The following NEK7 variants were observed in gnomAD, a reference collection of about 807,000 sequenced individuals.
NEK7 encodes the protein NIMA related kinase 7, also known as serine/threonine-protein kinase Nek7.
NEK7 carries 18 observed loss-of-function variants against 44.6 expected under a neutral mutation model. The observed-to-expected ratio is 0.40, with a 90% CI of 0.28 to 0.60. The LOEUF (loss-of-function observed/expected upper bound fraction) is 0.60. Among genes scored for constraint, NEK7 ranks in the 20% least tolerant of loss-of-function variants. The pLI is 0.38. For missense variants in NEK7, 256 were observed against 366.5 expected (o/e 0.70, Z 2.46); for synonymous variants, 130 against 121.1 (o/e 1.07, Z -0.48).
At chr1:198,201,920 T>C (rs1019624202) in intron 1 of NEK7, among the ~76,000 whole-genome samples, 20 of 152,236 alleles carry the variant, frequency 1.3e-4, no homozygotes, top group South Asian at 1.2e-3. Flanking sequence ...GGTTTGAGAA[T>C]TGGGGAACCC....
intron 9 of NEK7, among the ~76,000 whole-genome samples, chr1:198,311,681 A>T (rs1571622572): frequency 1.3e-5 from 2 of 152,210 alleles, no homozygotes; most frequent in African/African-American, 4.8e-5. Context: ...CCTTTTCTGC[A>T]TCTATTGAGA....
chr1:198,277,942 A>T lies in NEK7; in HGVS notation c.373-19A>T, dbSNP rs770357863. On this transcript the variant is annotated intron_variant, in intron 5 of 9. Coordinates refer to ENST00000367385, the MANE Select transcript of NEK7 (RefSeq NM_133494.3). ...AGAAATTTTAGTTTTTATAGTTCTTATTTTTAATTTTCAAAAAGCATTTTA... is the reference window on the plus strand; with the variant it reads ...AGAAATTTTAGTTTTTATAGTTCTTTTTTTTAATTTTCAAAAAGCATTTTA... The T allele has an allele frequency of 4.5e-5, 66 of 1,464,692 alleles. No individual in the cohort carries two copies. Among genetic ancestry groups the T allele is most frequent in the Non-Finnish European group, 6.1e-5 (64 of 1,051,924 alleles). 90.7% of individuals were successfully genotyped at this position (1,464,692 alleles called of 1,614,324 possible). A position where few individuals can be genotyped will look rare whatever the true frequency, so the allele number is the denominator to read the frequency against.
chr1:198,203,976 G>A lies in NEK7; in HGVS notation c.-28-28577G>A, dbSNP rs534254854. Reference sequence around the variant, plus strand: ...AATGGAAAACTTTAGAGATGAGAGCGGCCAGTTGCAGGGGCTCATGCCCAT... The same window carrying A: ...AATGGAAAACTTTAGAGATGAGAGCAGCCAGTTGCAGGGGCTCATGCCCAT... On this transcript the variant is annotated intron_variant, in intron 1 of 9. Transcript: ENST00000367385. 1.7e-4 allele frequency among the ~76,000 whole-genome samples: 26 copies of A among 152,252 alleles called. No homozygotes were observed. The South Asian group carries it at 3.1e-3, about 18-fold the overall frequency.
chr1:198,219,244 A>G (rs1208709427), intron 1 of NEK7, among the ~76,000 whole-genome samples: 1 of 150,246 alleles, frequency 6.7e-6, no homozygotes, highest in African/African-American at 2.4e-5. Context: ...AAATTTATGT[A>G]TATTTTACAT....
At chr1:198,213,860 T>C (rs929518784) in intron 1 of NEK7, among the ~76,000 whole-genome samples, 2 of 152,170 alleles carry the variant, frequency 1.3e-5, no homozygotes, top group Admixed American at 1.3e-4. Flanking sequence ...GTTTTACCCA[T>C]GGGCATGTCC....
At chr1:198,303,199 A>G (rs1194185653) in intron 9 of NEK7, among the ~76,000 whole-genome samples, 1 of 152,180 alleles carries the variant, frequency 6.6e-6, no homozygotes, top group Non-Finnish European at 1.5e-5. Flanking sequence ...AAAACCAAGC[A>G]TATATCTCAA....
chr1:198,170,833 C>A (rs1664414338), intron 1 of NEK7, among the ~76,000 whole-genome samples: 3 of 152,082 alleles, frequency 2.0e-5, no homozygotes, highest in African/African-American at 7.2e-5. Context: ...CTTTTATGAT[C>A]TCTTTATTTG....
chr1:198,193,394 G>A lies in NEK7; in HGVS notation c.-29+36118G>A, dbSNP rs1665135616. On this transcript the variant is annotated intron_variant, in intron 1 of 9. Coordinates refer to ENST00000367385, the MANE Select transcript of NEK7 (RefSeq NM_133494.3). The stretch of plus-strand genomic sequence containing the variant: ...CTATGGGAGGTACAAAAAGGAGCTG[G>A]TACCATTTCTACTGAAACTATTCCA... 2.6e-5 allele frequency among the ~76,000 whole-genome samples: 4 copies of A among 152,242 alleles called. No individual in the cohort carries two copies. In the South Asian group the frequency reaches 8.3e-4, roughly 32 times the overall value.
intron 2 of NEK7, among the ~76,000 whole-genome samples, chr1:198,251,423 G>A (rs7550253): frequency 0.075 from 6,932 of 92,756 alleles, 426 homozygotes; most frequent in East Asian, 0.32. Flanking sequence ...CTCTTTTTCT[G>A]TTGATTGGAA....
chr1:198,305,271 G>A (rs1654991572), intron 9 of NEK7, among the ~76,000 whole-genome samples: 1 of 152,140 alleles, frequency 6.6e-6, no homozygotes, highest in African/African-American at 2.4e-5. Context: ...AACCTGACAT[G>A]AAGGAATAGA....
At chr1:198,166,307 G>C (rs1283874323) in intron 1 of NEK7, among the ~76,000 whole-genome samples, 1 of 152,202 alleles carries the variant, frequency 6.6e-6, no homozygotes, top group African/African-American at 2.4e-5. Flanking sequence ...CCAGCTCCGA[G>C]CTTCAGCAAC....
intron 5 of NEK7, among the ~76,000 whole-genome samples, chr1:198,270,716 T>C (rs995656132): frequency 6.6e-6 from 1 of 152,136 alleles, no homozygotes; most frequent in Non-Finnish European, 1.5e-5. Context: ...ATACATAAGA[T>C]TAATTTTACA....
chr1:198,265,982 T>C (rs927675350), intron 5 of NEK7, among the ~76,000 whole-genome samples: 3 of 152,044 alleles, frequency 2.0e-5, no homozygotes, highest in African/African-American at 7.2e-5. Flanking sequence ...ATATGGTCCT[T>C]CCTTTTTCTC....
chr1:198,261,894 C>T (rs567087418), intron 3 of NEK7, among the ~76,000 whole-genome samples: 6 of 151,846 alleles, frequency 4.0e-5, no homozygotes, highest in Admixed American at 3.9e-4. Flanking sequence ...ATTTTAATTC[C>T]ACAAATACAG....
intron 2 of NEK7, among the ~76,000 whole-genome samples, chr1:198,252,656 A>G (rs991567210): frequency 1.2e-4 from 17 of 139,530 alleles, no homozygotes; most frequent in African/African-American, 4.7e-4. Flanking sequence ...ACATATATGT[A>G]TGTTTATATA....
Position 198,264,160 on chromosome 1 carries a change from A to C in NEK7, c.297A>C (p.Ala99=), listed in dbSNP as rs1442832402. Residue 99 remains alanine (A), a synonymous_variant, in exon 5 of 10, where the codon GCA becomes GCC. Transcript: ENST00000367385. The stretch of plus-strand genomic sequence containing the variant: ...ATCCAAATGTAATAAAATATTATGC[A>C]TCATTCATTGAAGATAATGAACTAA... ...LNHPNVIKYY[A]SFIEDNELNI... 2 of 1,603,634 alleles carry C rather than the reference A, an allele frequency of 1.2e-6. No individual in the cohort carries two copies. The highest frequency in any genetic ancestry group is 1.7e-6 in the Non-Finnish European group (2 of 1,175,560).
In NEK7 at chr1:198,256,262, CCATTTAGTTCACTGATTCAGGG is replaced by C. The variant is rs1653259839; in HGVS notation, c.198+3084_198+3105del. On this transcript the variant is annotated intron_variant, in intron 3 of 9. Transcript: ENST00000367385. The stretch of plus-strand genomic sequence containing the variant: ...AGGCCCTTCCCTACTTTGTGCCACT[CCATTTAGTTCACTGATTCAGGG>C]CTATTAACAAAGGATGTGTTCAGCT... 1.2e-5 allele frequency: 18 copies of C among 1,442,932 alleles called. No individual in the cohort carries two copies. In the South Asian group the frequency reaches 2.9e-4, roughly 23 times the overall value. 89.4% of individuals were successfully genotyped at this position (1,442,932 alleles called of 1,614,324 possible). A position where few individuals can be genotyped will look rare whatever the true frequency, so the allele number is the denominator to read the frequency against.
chr1:198,193,082 G>T (rs56801198), intron 1 of NEK7, among the ~76,000 whole-genome samples: 2 of 150,534 alleles, frequency 1.3e-5, no homozygotes, highest in Non-Finnish European at 3.0e-5. Flanking sequence ...TAAAGAAGAA[G>T]ACAGAAGAAT....
At chr1:198,202,247 C>T (rs1453915798) in intron 1 of NEK7, among the ~76,000 whole-genome samples, 1 of 151,476 alleles carries the variant, frequency 6.6e-6, no homozygotes, top group South Asian at 2.1e-4. Context: ...TTGTAGGTGT[C>T]GTCAGGAATA....
Sources: gnomAD v4.1 joint callset for allele counts (sites outside exome capture counted in the v4.1 genomes callset) on GRCh38, gnomAD v4.1.1 for gene constraint, MANE v1.5 for transcripts, NCBI Gene and HGNC (gene_info 2026-07-23, HGNC 2026-07-21) for gene names.